Variants in UBAC2 observed in about 807,000 individuals in gnomAD.
The protein encoded by UBAC2 is ubiquitin-associated domain-containing protein 2.
In UBAC2, 26 loss-of-function variants were observed where a neutral mutation model predicts 44.0. That is an observed-to-expected ratio of 0.59 (90% CI 0.43 to 0.82). The LOEUF (loss-of-function observed/expected upper bound fraction) is 0.82, where lower values mean the gene tolerates loss of function less well. Ranked by LOEUF, UBAC2 falls within the 40% of genes least tolerant of loss-of-function variation. The pLI, the probability that UBAC2 is intolerant of heterozygous loss-of-function variation, is 0.00. For missense variants in UBAC2, 329 were observed against 419.4 expected (o/e 0.78, Z 1.88); for synonymous variants, 155 against 154.3 (o/e 1.00, Z -0.04).
At chr13:99,242,447 G>A (rs1237955079) in intron 2 of UBAC2, among the ~76,000 whole-genome samples, 2 of 134,730 alleles carry the variant, frequency 1.5e-5, no homozygotes, top group Admixed American at 7.3e-5. Context: ...GCGGCTGGCC[G>A]GGCGGGGGGC....
At chr13:99,223,923 G>A (rs760241293) in intron 1 of UBAC2, among the ~76,000 whole-genome samples, 18 of 152,038 alleles carry the variant, frequency 1.2e-4, no homozygotes, top group Non-Finnish European at 1.5e-4. Flanking sequence ...TTTGGTGAAT[G>A]CTCCATATGC....
intron 4 of UBAC2, among the ~76,000 whole-genome samples, chr13:99,289,058 C>CA (rs2044057034): frequency 6.6e-6 from 1 of 152,190 alleles, no homozygotes; most frequent in Non-Finnish European, 1.5e-5. Flanking sequence ...TATTATCTAA[C>CA]ACTTACTTCA....
chr13:99,249,246 G>T (rs942455918), intron 4 of UBAC2, among the ~76,000 whole-genome samples: 4 of 151,528 alleles, frequency 2.6e-5, no homozygotes, highest in Middle Eastern at 3.4e-3. Context: ...TTATGTCCAT[G>T]TGTACCCAGT....
chr13:99,347,410 G>T (rs889063126), intron 7 of UBAC2, among the ~76,000 whole-genome samples: 1 of 145,870 alleles, frequency 6.9e-6, no homozygotes, highest in Non-Finnish European at 1.5e-5. Flanking sequence ...CTTTTGAAAG[G>T]GGCTTCGGTG....
intron 4 of UBAC2, among the ~76,000 whole-genome samples, chr13:99,246,710 T>A (rs894987453): frequency 6.6e-6 from 1 of 152,234 alleles, no homozygotes; most frequent in Non-Finnish European, 1.5e-5. Context: ...GGGAATACTT[T>A]TGCTTACTCT....
chr13:99,201,944 G>T (rs760065132), intron 1 of UBAC2, among the ~76,000 whole-genome samples: 13 of 151,992 alleles, frequency 8.6e-5, no homozygotes, highest in Non-Finnish European at 1.2e-4. Flanking sequence ...GTGGTGGCGG[G>T]TGCCTGTATT....
intron 6 of UBAC2, among the ~76,000 whole-genome samples, chr13:99,333,976 T>G (rs1053376241): frequency 4.6e-5 from 7 of 152,190 alleles, no homozygotes; most frequent in African/African-American, 7.2e-5. Flanking sequence ...AGCAACAAGA[T>G]CTTGCTCCGT....
chr13:99,327,903 C>G (rs538436915), intron 6 of UBAC2, among the ~76,000 whole-genome samples: 1 of 151,860 alleles, frequency 6.6e-6, no homozygotes, highest in Non-Finnish European at 1.5e-5. Context: ...GTGTATAGTT[C>G]GTTGAACTTT....
At chr13:99,242,746 C>T (rs1288599109) in intron 2 of UBAC2, among the ~76,000 whole-genome samples, 2 of 131,360 alleles carry the variant, frequency 1.5e-5, no homozygotes, top group African/African-American at 5.7e-5. Context: ...CCCCACCTCT[C>T]TCCCGGACGG....
chr13:99,338,248 G>C (rs1378355181), intron 6 of UBAC2, among the ~76,000 whole-genome samples: 1 of 151,606 alleles, frequency 6.6e-6, no homozygotes, highest in African/African-American at 2.4e-5. Context: ...AGTAGAGACG[G>C]GTTTTTACCA....
chr13:99,220,538 A>G (rs1282635722), intron 1 of UBAC2, among the ~76,000 whole-genome samples: 1 of 152,200 alleles, frequency 6.6e-6, no homozygotes, highest in Non-Finnish European at 1.5e-5. Flanking sequence ...TCAGACCCAA[A>G]AGGAATTCTT....
chr13:99,281,066 A>G (rs9582289), intron 4 of UBAC2, among the ~76,000 whole-genome samples: 17 of 152,054 alleles, frequency 1.1e-4, no homozygotes, highest in African/African-American at 4.1e-4. Flanking sequence ...GGCACCTGTA[A>G]TCCCAGCTAC....
intron 4 of UBAC2, among the ~76,000 whole-genome samples, chr13:99,309,660 G>A (rs1360890486): frequency 1.3e-5 from 2 of 152,084 alleles, no homozygotes; most frequent in African/African-American, 4.8e-5. Flanking sequence ...GAGTGCAGTG[G>A]CACGATCTTG....
At chr13:99,242,173 A>G (rs1329482710) in intron 2 of UBAC2, among the ~76,000 whole-genome samples, 2 of 152,130 alleles carry the variant, frequency 1.3e-5, no homozygotes, top group East Asian at 1.9e-4. Flanking sequence ...CGATTTCTCA[A>G]TCTTTTCCCC....
intron 4 of UBAC2, among the ~76,000 whole-genome samples, chr13:99,278,781 C>T (rs1036803070): frequency 2.0e-5 from 3 of 151,978 alleles, no homozygotes; most frequent in Non-Finnish European, 2.9e-5. Flanking sequence ...TTTACTGGTA[C>T]GAAAACATTT....
chr13:99,209,071 T>TG (rs1217438376), intron 1 of UBAC2, among the ~76,000 whole-genome samples: 1 of 152,220 alleles, frequency 6.6e-6, no homozygotes, highest in Admixed American at 6.5e-5. Context: ...TGGGACTGCG[T>TG]GTTCCTTGCC....
chr13:99,210,421 C>A (rs1469899779), intron 1 of UBAC2, among the ~76,000 whole-genome samples: 1 of 151,216 alleles, frequency 6.6e-6, no homozygotes, highest in Non-Finnish European at 1.5e-5. Context: ...CCAAGAGAAT[C>A]TTTTAAAATG....
chr13:99,216,843 T>TG (rs924677204), intron 1 of UBAC2, among the ~76,000 whole-genome samples: 2 of 151,474 alleles, frequency 1.3e-5, no homozygotes, highest in African/African-American at 4.9e-5. Context: ...TCTTTTTTTT[T>TG]TTTTGAGACG....
chr13:99,217,234 C>T (rs2043007363), intron 1 of UBAC2, among the ~76,000 whole-genome samples: 1 of 152,180 alleles, frequency 6.6e-6, no homozygotes, highest in South Asian at 2.1e-4. Context: ...GAGATGTTGG[C>T]AGAGTCAGTC....
Sources: allele counts gnomAD v4.1 joint callset (sites outside exome capture counted in the v4.1 genomes callset), GRCh38; gene constraint gnomAD v4.1.1; transcripts MANE v1.5; gene names NCBI Gene and HGNC (gene_info 2026-07-23, HGNC 2026-07-21).